The following ZFAND3 variants were observed in gnomAD, a reference collection of about 807,000 sequenced individuals.
ZFAND3 encodes zinc finger AN1-type containing 3.
Under a neutral mutation model 29.6 loss-of-function variants are expected in ZFAND3, and 10 were observed. The ratio of observed to expected loss-of-function variants is 0.34; its 90% CI spans 0.21 to 0.57. The LOEUF (loss-of-function observed/expected upper bound fraction) is 0.57, where lower values mean the gene tolerates loss of function less well. Among genes scored for constraint, ZFAND3 ranks in the 20% least tolerant of loss-of-function variants. The pLI is 0.86. For synonymous variants in ZFAND3, 128 were observed against 112.6 expected (o/e 1.14, Z -0.87); for missense variants, 230 against 304.5 (o/e 0.76, Z 1.82).
chr6:37,861,029 C>T (rs923554829), intron 1 of ZFAND3, among the ~76,000 whole-genome samples: 4 of 151,960 alleles, frequency 2.6e-5, no homozygotes, highest in African/African-American at 9.7e-5. Flanking sequence ...GAGTCCCAGG[C>T]GGGCAAATCA....
At position 37,980,946 on chromosome 6, in the gene ZFAND3, A is replaced by G. The variant is rs537986987; in HGVS notation, c.112+50947A>G. On this transcript the variant is annotated intron_variant, in intron 2 of 5. Coordinates refer to ENST00000287218, the MANE Select transcript of ZFAND3 (RefSeq NM_021943.3). The stretch of plus-strand genomic sequence containing the variant: ...CTTGGTGAAGTAGATTCCTGCTGGA[A>G]AATTTATAATGGGAATTTATTTCTC... 9.1e-4 allele frequency among the ~76,000 whole-genome samples: 138 copies of G among 152,322 alleles called. 1 individual carries two copies. The highest frequency in any genetic ancestry group is 3.4e-3 in the Middle Eastern group (1 of 294).
chr6:38,006,374 T>C (rs1298825036), intron 2 of ZFAND3, among the ~76,000 whole-genome samples: 1 of 152,222 alleles, frequency 6.6e-6, no homozygotes, highest in Non-Finnish European at 1.5e-5. Context: ...TCTAATTGTT[T>C]CTTTTTTATA....
At chr6:38,041,078 A>G (rs1188081547) in intron 2 of ZFAND3, among the ~76,000 whole-genome samples, 2 of 152,070 alleles carry the variant, frequency 1.3e-5, no homozygotes, top group Non-Finnish European at 2.9e-5. Context: ...GACCTTTGAT[A>G]TTAGTAAGGG....
At chr6:37,853,929 T>C (rs1764329230) in intron 1 of ZFAND3, among the ~76,000 whole-genome samples, 1 of 152,110 alleles carries the variant, frequency 6.6e-6, no homozygotes, top group South Asian at 2.1e-4. Flanking sequence ...CACATAAAAA[T>C]AGGGCTTTTG....
chr6:37,896,514 T>TTTCTTTCTTTC (rs1554153804), intron 1 of ZFAND3, among the ~76,000 whole-genome samples: 5 of 109,100 alleles, frequency 4.6e-5, no homozygotes, highest in South Asian at 6.6e-4. Context: ...TTCCTCTTTC[T>TTTCTTTCTTTC]TTTCTTTCTT....
intron 3 of ZFAND3, among the ~76,000 whole-genome samples, chr6:38,063,313 T>G (rs892676795): frequency 6.6e-6 from 1 of 152,178 alleles, no homozygotes; most frequent in Admixed American, 6.5e-5. Flanking sequence ...TTAAATATAT[T>G]TGTTGTAGTT....
intron 5 of ZFAND3, among the ~76,000 whole-genome samples, chr6:38,117,541 A>G (rs904001364): frequency 1.3e-5 from 2 of 152,198 alleles, no homozygotes; most frequent in East Asian, 1.9e-4. Flanking sequence ...GCTGATTTAC[A>G]GTTTCCTGTA....
At chr6:37,947,631 A>C (rs986406903) in intron 2 of ZFAND3, among the ~76,000 whole-genome samples, 2 of 152,210 alleles carry the variant, frequency 1.3e-5, no homozygotes, top group Non-Finnish European at 2.9e-5. Flanking sequence ...AGAGGAAACA[A>C]TGACTCTGAA....
At chr6:37,829,199 C>T (rs1763814720) in intron 1 of ZFAND3, among the ~76,000 whole-genome samples, 1 of 151,724 alleles carries the variant, frequency 6.6e-6, no homozygotes, top group East Asian at 1.9e-4. Flanking sequence ...CACTGCACTC[C>T]AGCCTGGGTA....
At position 38,152,524 on chromosome 6, in the gene ZFAND3, C is replaced by T; in HGVS notation, c.*135C>T. 7.3e-7 allele frequency: 1 copy of T among 1,370,114 alleles called. No homozygotes were observed. Among genetic ancestry groups the T allele is most frequent in the Non-Finnish European group, 9.4e-7 (1 of 1,061,998 alleles). 84.9% of individuals were successfully genotyped at this position (1,370,114 alleles called of 1,614,324 possible). On this transcript the variant is annotated 3_prime_UTR_variant, in exon 6 of 6. Transcript: ENST00000287218. Reference sequence around the variant, plus strand: ...AGTCCGTTTCCTTTCTTTAGCCAGCCATCCTGGTACTGTAGTTTAGGGGTT... The same window carrying T: ...AGTCCGTTTCCTTTCTTTAGCCAGCTATCCTGGTACTGTAGTTTAGGGGTT...
intron 5 of ZFAND3, among the ~76,000 whole-genome samples, chr6:38,141,291 C>T (rs1334421407): frequency 6.6e-6 from 1 of 152,222 alleles, no homozygotes; most frequent in Non-Finnish European, 1.5e-5. Context: ...CCCAGCCTGA[C>T]AGTCTTGGGG....
chr6:38,082,429 C>A lies in ZFAND3; in HGVS notation c.333C>A (p.Ile111=), dbSNP rs150535899. 14 of 1,612,112 alleles carry A rather than the reference C, an allele frequency of 8.7e-6. No homozygotes were observed. The highest frequency in any genetic ancestry group is 2.7e-5 in the African/African-American group (2 of 74,816). Residue 111 remains isoleucine, a synonymous_variant, in exon 4 of 6, where the codon ATC becomes ATA. Transcript: ENST00000287218. The stretch of plus-strand genomic sequence containing the variant: ...CAGACACAGCTCATGTCTCATTAAT[C>A]ACACCAACAAAAAGATCCTGTGGTA... The part of the protein sequence containing the change: ...PCTDTAHVSL[I]TPTKRSCGTD...
chr6:38,012,679 T>A (rs1245335784), intron 2 of ZFAND3, among the ~76,000 whole-genome samples: 1 of 152,110 alleles, frequency 6.6e-6, no homozygotes, highest in Admixed American at 6.5e-5. Context: ...GCCTGGCTGA[T>A]AGTAATTTTT....
At chr6:38,136,048 G>A (rs552557033) in intron 5 of ZFAND3, among the ~76,000 whole-genome samples, 1 of 152,326 alleles carries the variant, frequency 6.6e-6, no homozygotes, top group South Asian at 2.1e-4. Context: ...TGGAAATGGA[G>A]GCGGGGCAAA....
intron 1 of ZFAND3, among the ~76,000 whole-genome samples, chr6:37,845,606 C>G (rs564132674): frequency 1.3e-5 from 2 of 152,290 alleles, no homozygotes; most frequent in East Asian, 1.9e-4. Context: ...TGGTAACTTG[C>G]AGCATTTAGG....
chr6:38,101,093 T>C (rs1038277545), intron 4 of ZFAND3, among the ~76,000 whole-genome samples: 3 of 152,232 alleles, frequency 2.0e-5, no homozygotes, highest in East Asian at 1.9e-4. Flanking sequence ...GATAAATCTT[T>C]TAGTGAAGAT....
rs1301438774 is a variant in ZFAND3 at position 38,126,554 on chromosome 6, T to TG, written c.529+9815_529+9816insG. ...CAGTTTCTTCCTGTTCTCGCCAACA[T>TG]TTAATATTGTCAGTCTTTTTAACTT... is the stretch of plus-strand genomic sequence containing the variant. On this transcript the variant is annotated intron_variant, in intron 5 of 5. Coordinates refer to ENST00000287218, the MANE Select transcript of ZFAND3 (RefSeq NM_021943.3). 7.2e-5 allele frequency among the ~76,000 whole-genome samples: 11 copies of TG among 152,356 alleles called. 1 individual carries two copies. Among genetic ancestry groups the TG allele is most frequent in the Admixed American group, 3.3e-4 (5 of 15,308 alleles).
At chr6:37,932,575 A>C (rs1362863848) in intron 2 of ZFAND3, among the ~76,000 whole-genome samples, 1 of 152,224 alleles carries the variant, frequency 6.6e-6, no homozygotes, top group African/African-American at 2.4e-5. Context: ...ATTGTAATTT[A>C]GTAAAGTATG....
rs939753541 is a variant in ZFAND3 at position 37,851,490 on chromosome 6, A to G, written c.71+31474A>G. Among the ~76,000 whole-genome samples, 5 of 143,648 alleles carry G rather than the reference A, an allele frequency of 3.5e-5. No individual in the cohort carries two copies. The East Asian group carries it at 5.9e-4, about 17-fold the overall frequency. The allele number at this position is 143,648 out of a possible 152,430, so 94.2% of individuals were successfully genotyped here. ...AATCAAATTCCTTAGTCTGCCTCCA[A>G]ACTATCTTGTTTAGCCCAGTCTCCC... On this transcript the variant is annotated intron_variant, in intron 1 of 5. Transcript: ENST00000287218.
Sources: allele counts gnomAD v4.1 joint callset (sites outside exome capture counted in the v4.1 genomes callset), GRCh38; gene constraint gnomAD v4.1.1; transcripts MANE v1.5; gene names NCBI Gene and HGNC (gene_info 2026-07-23, HGNC 2026-07-21).